The following KCNMB1 variants were observed in gnomAD, a reference collection of about 807,000 sequenced individuals.
KCNMB1 encodes potassium calcium-activated channel subfamily M regulatory beta subunit 1.
In KCNMB1, 22 loss-of-function variants were observed where a neutral mutation model predicts 21.7. The observed-to-expected ratio is 1.01, with a 90% CI of 0.72 to 1.45. KCNMB1 has a LOEUF of 1.45. KCNMB1 is among the 40% of genes most tolerant of loss of function. The pLI is 0.00. For missense variants in KCNMB1, 243 were observed against 243.4 expected, an observed-to-expected ratio of 1.00 and a Z score of 0.01; for synonymous variants, 114 against 107.6, an observed-to-expected ratio of 1.06 and a Z score of -0.37.
intron 1 of KCNMB1, among the ~76,000 whole-genome samples, chr5:170,387,303 T>A (rs1467033129): frequency 6.6e-6 from 1 of 152,178 alleles, no homozygotes; most frequent in African/African-American, 2.4e-5. Flanking sequence ...AGTGTCCGGG[T>A]GACAGGCCTT....
chr5:170,386,253 A>G (rs899994613), intron 1 of KCNMB1, among the ~76,000 whole-genome samples: 3 of 152,222 alleles, frequency 2.0e-5, no homozygotes, highest in African/African-American at 7.2e-5. Context: ...GATTAAACAG[A>G]TGAGAAAGCT....
chr5:170,385,207 C>T (rs1764414740), intron 2 of KCNMB1, 107 bp downstream of exon 2: 5 of 1,263,222 alleles, frequency 4.0e-6, no homozygotes, highest in South Asian at 2.5e-5. Context: ...ACCCTGCTGC[C>T]TTGAATGAGG....
intron 1 of KCNMB1, 114 bp from the exon 2 acceptor site, chr5:170,385,585 T>C (rs1764436424): frequency 3.0e-6 from 3 of 1,006,230 alleles, no homozygotes; most frequent in Non-Finnish European, 4.4e-6. Context: ...CTCTTGTTTA[T>C]ATTTGGAGCT....
intron 3 of KCNMB1, chr5:170,382,572 A>C (rs1229844598): frequency 1.3e-5 from 2 of 151,844 alleles, no homozygotes; most frequent in Non-Finnish European, 2.9e-5. Context: ...TCCTATAGGC[A>C]TACCCGCTTC....
At chr5:170,383,428 A>G in intron 3 of KCNMB1, 1 of 605,730 alleles carries the variant, frequency 1.7e-6, no homozygotes, top group Non-Finnish European at 2.9e-6. Flanking sequence ...TCCACTTTAC[A>G]AGGGTGGAAA....
chr5:170,378,827 G>C lies in KCNMB1; in HGVS notation c.453C>G (p.Leu151=), dbSNP rs1764115653. The C allele has an allele frequency of 6.2e-7, 1 of 1,614,256 alleles. No homozygotes were observed. ...GNETSVLFQR[L]YGPQALLFSL... ...AGAAGAGGAGGGCCTGGGGCCCGTA[G>C]AGGCGCTGGAATAGGACGCTGGTTT... Residue 151 remains leucine, a synonymous_variant, in exon 4 of 4, where the codon CTC becomes CTG. Transcript: ENST00000274629.
chr5:170,380,302 G>A (rs80092299), intron 3 of KCNMB1, among the ~76,000 whole-genome samples: 2,685 of 152,310 alleles, frequency 0.018, 86 homozygotes, highest in African/African-American at 0.057. Flanking sequence ...CATAGCCCAG[G>A]TCCCTACCCA....
intron 3 of KCNMB1, 119 bp from the exon 4 acceptor site, chr5:170,379,092 G>T: frequency 2.4e-6 from 3 of 1,248,646 alleles, no homozygotes; most frequent in Non-Finnish European, 3.3e-6. Flanking sequence ...TGGAGTCGGG[G>T]CTTTGGTCTA....
intron 3 of KCNMB1, among the ~76,000 whole-genome samples, chr5:170,380,498 C>T (rs1203768052): frequency 2.0e-5 from 3 of 152,254 alleles, no homozygotes; most frequent in Admixed American, 1.3e-4. Flanking sequence ...CTGGAAGCTG[C>T]CTGCCCTGAG....
At chr5:170,388,371 G>A (rs1263623548) in intron 1 of KCNMB1, among the ~76,000 whole-genome samples, 3 of 152,212 alleles carry the variant, frequency 2.0e-5, no homozygotes, top group African/African-American at 7.2e-5. Context: ...GAGGAAGGAT[G>A]GGAACTGTCA....
intron 1 of KCNMB1, among the ~76,000 whole-genome samples, chr5:170,388,024 C>T (rs549889263): frequency 5.3e-5 from 8 of 152,120 alleles, no homozygotes; most frequent in African/African-American, 1.7e-4. Context: ...ATCAGCCCCC[C>T]CCAGCGCCCA....
chr5:170,385,071 G>C (rs1764408729), intron 2 of KCNMB1, among the ~76,000 whole-genome samples: 1 of 152,144 alleles, frequency 6.6e-6, no homozygotes, highest in Admixed American at 6.5e-5. Flanking sequence ...TCATGTGTCT[G>C]TTACCACCAC....
In KCNMB1 at chr5:170,377,121, C is replaced by A. The variant is rs76157886; in HGVS notation, c.*1583G>T. On this transcript the variant is annotated 3_prime_UTR_variant, in exon 4 of 4. Coordinates refer to ENST00000274629, the MANE Select transcript of KCNMB1 (RefSeq NM_004137.4). ...TTCAGACACCAGCCTAACTTCACAC[C>A]CAGCTCAGGACTGGCCCTGCCGAAT... The A allele has an allele frequency of 0.069, 10,436 of 152,332 alleles. 435 individuals are homozygous for A. Among genetic ancestry groups the A allele is most frequent in the Middle Eastern group, 0.16 (46 of 296 alleles). 9.4% of individuals were successfully genotyped at this position (152,332 alleles called of 1,614,324 possible). A position where few individuals can be genotyped will look rare whatever the true frequency, so the allele number is the denominator to read the frequency against.
At chr5:170,383,955 GACT>G in intron 2 of KCNMB1, 105 bp from the exon 3 acceptor site, 1 of 1,200,194 alleles carries the variant, frequency 8.3e-7, no homozygotes, top group Non-Finnish European at 1.2e-6. Flanking sequence ...AGGGATCCAG[GACT>G]GGGATCCTCA....
At position 170,378,477 on chromosome 5, in the gene KCNMB1, G is replaced by A; in HGVS notation, c.*227C>T. On this transcript the variant is annotated 3_prime_UTR_variant, in exon 4 of 4. Transcript: ENST00000274629. ...GGTAATAGAGAGCTAGAACTGGCTGGCCTTATGGCCTCCAAGGCATTGGGG... is the reference window on the plus strand; with the variant it reads ...GGTAATAGAGAGCTAGAACTGGCTGACCTTATGGCCTCCAAGGCATTGGGG... 1.8e-6 allele frequency: 1 copy of A among 558,768 alleles called. No individual in the cohort carries two copies. Among genetic ancestry groups the A allele is most frequent in the Middle Eastern group, 4.7e-4 (1 of 2,132 alleles). The allele number at this position is 558,768 out of a possible 1,614,324, so 34.6% of individuals were successfully genotyped here.
chr5:170,376,282 T>TC lies in KCNMB1; in HGVS notation c.*2421dup, dbSNP rs1439447769. ...TTCACGCCATTCTTCTGCCTCAGCC[T>TC]CCTGAGCAGCTGGGACTACAGGCGG... On this transcript the variant is annotated 3_prime_UTR_variant, in exon 4 of 4. Transcript: ENST00000274629. 6.8e-6 allele frequency: 1 copy of TC among 146,466 alleles called. No individual in the cohort carries two copies. The highest frequency in any genetic ancestry group is 1.5e-5 in the Non-Finnish European group (1 of 67,032). The allele number at this position is 146,466 out of a possible 1,614,324, so 9.1% of individuals were successfully genotyped here. A position where few individuals can be genotyped will look rare whatever the true frequency, so the allele number is the denominator to read the frequency against.
chr5:170,387,183 TTTTAGGGGAA>T (rs1272428676), intron 1 of KCNMB1, among the ~76,000 whole-genome samples: 1 of 152,136 alleles, frequency 6.6e-6, no homozygotes, highest in African/African-American at 2.4e-5. Context: ...TTAGGGGAAA[TTTTAGGGGAA>T]TTTAGGGGAA....
intron 1 of KCNMB1, among the ~76,000 whole-genome samples, chr5:170,388,449 A>G (rs2113354228): frequency 6.6e-6 from 1 of 152,354 alleles, no homozygotes; most frequent in South Asian, 2.1e-4. Flanking sequence ...GATTTCAGTT[A>G]GACTGTAAGA....
chr5:170,384,570 C>A (rs1226574810), intron 2 of KCNMB1, among the ~76,000 whole-genome samples: 1 of 152,220 alleles, frequency 6.6e-6, no homozygotes, highest in Non-Finnish European at 1.5e-5. Context: ...TGTGCTTCAA[C>A]TCCCAAGTAT....
Sources: gnomAD v4.1 joint callset for allele counts (sites outside exome capture counted in the v4.1 genomes callset) on GRCh38, gnomAD v4.1.1 for gene constraint, MANE v1.5 for transcripts, NCBI Gene and HGNC (gene_info 2026-07-23, HGNC 2026-07-21) for gene names.